The following GPC5 variants were observed in gnomAD, a reference collection of about 807,000 sequenced individuals.
The protein encoded by GPC5 is glypican-5.
In GPC5, 47 loss-of-function variants were observed where a neutral mutation model predicts 53.9. The observed-to-expected ratio is 0.87, with a 90% CI of 0.69 to 1.11. The LOEUF (loss-of-function observed/expected upper bound fraction) is 1.11. Among genes scored for constraint, GPC5 ranks in the 50% most tolerant of loss-of-function variants. GPC5 has a pLI of 0.00. For synonymous variants in GPC5, 286 were observed against 263.3 expected (o/e 1.09, Z -0.84); for missense variants, 748 against 713.1 (o/e 1.05, Z -0.56).
At chr13:91,660,510 A>C (rs941638780) in intron 2 of GPC5, among the ~76,000 whole-genome samples, 2 of 152,176 alleles carry the variant, frequency 1.3e-5, no homozygotes, top group Admixed American at 1.3e-4. Context: ...CTTGTAGAAG[A>C]TCCTCAGCTG....
chr13:91,701,772 T>C (rs1311782153), intron 3 of GPC5, among the ~76,000 whole-genome samples: 3 of 152,108 alleles, frequency 2.0e-5, no homozygotes, highest in African/African-American at 7.2e-5. Flanking sequence ...TTCAGACATC[T>C]CTTCCACATA....
intron 5 of GPC5, among the ~76,000 whole-genome samples, chr13:91,845,499 T>G (rs1371288968): frequency 6.6e-6 from 1 of 152,202 alleles, no homozygotes; most frequent in Admixed American, 6.5e-5. Flanking sequence ...ACACTTAAGA[T>G]CTGCTCTCTT....
At chr13:91,882,331 C>T (rs1223569146) in intron 5 of GPC5, among the ~76,000 whole-genome samples, 2 of 151,922 alleles carry the variant, frequency 1.3e-5, no homozygotes, top group Non-Finnish European at 2.9e-5. Context: ...TATTGAAAAT[C>T]TTATACATTA....
Position 92,301,322 on chromosome 13 carries a change from G to A in GPC5, c.1561+156333G>A, listed in dbSNP as rs377431094. ...GGAGACTCTATTATTGGAAATTGGA[G>A]AAAGAACTGTGCCAAGACATGAAAG... On this transcript the variant is annotated intron_variant, in intron 7 of 7. Transcript: ENST00000377067. Among the ~76,000 whole-genome samples the A allele has an allele frequency of 2.3e-4, 35 of 152,278 alleles. 1 individual carries two copies. The East Asian group carries it at 3.9e-3, about 17-fold the overall frequency.
intron 2 of GPC5, among the ~76,000 whole-genome samples, chr13:91,560,917 T>C (rs558941269): frequency 7.5e-4 from 114 of 152,238 alleles, no homozygotes; most frequent in Non-Finnish European, 1.5e-3. Context: ...AAGCCTAGCT[T>C]GTGCCTCCTT....
chr13:92,001,503 A>G (rs2040554591), intron 6 of GPC5, among the ~76,000 whole-genome samples: 1 of 152,214 alleles, frequency 6.6e-6, no homozygotes, highest in Admixed American at 6.5e-5. Context: ...ACTTTTGGAC[A>G]GAGATACCAC....
chr13:91,950,502 G>C (rs1410785378), intron 6 of GPC5, among the ~76,000 whole-genome samples: 2 of 152,022 alleles, frequency 1.3e-5, no homozygotes, highest in African/African-American at 4.8e-5. Context: ...CTCAGAATGA[G>C]AGATCTGTCT....
intron 7 of GPC5, among the ~76,000 whole-genome samples, chr13:92,837,973 T>G (rs1410384848): frequency 6.6e-6 from 1 of 151,472 alleles, no homozygotes; most frequent in East Asian, 2.0e-4. Context: ...CGCATGCCTG[T>G]AATCCCAACT....
At chr13:92,510,163 T>A (rs1052650314) in intron 7 of GPC5, 6 of 152,150 alleles carry the variant, frequency 3.9e-5, no homozygotes, top group African/African-American at 1.4e-4. Context: ...ACTTTAAAAA[T>A]TGTTTCTAGA....
At chr13:91,663,868 G>A (rs1040813396) in intron 2 of GPC5, among the ~76,000 whole-genome samples, 1 of 152,052 alleles carries the variant, frequency 6.6e-6, no homozygotes, top group Non-Finnish European at 1.5e-5. Flanking sequence ...TAACAGATGG[G>A]GTCTTGCAAT....
At chr13:92,708,828 C>G (rs534549854) in intron 7 of GPC5, among the ~76,000 whole-genome samples, 37 of 140,708 alleles carry the variant, frequency 2.6e-4, no homozygotes, top group African/African-American at 9.6e-4. Context: ...TTTACATGTG[C>G]CTACTAGCAG....
At chr13:92,247,179 A>T (rs754567593) in intron 7 of GPC5, among the ~76,000 whole-genome samples, 3 of 152,258 alleles carry the variant, frequency 2.0e-5, no homozygotes, top group Non-Finnish European at 4.4e-5. Flanking sequence ...GAAAATAAAG[A>T]TGACTGCAGA....
chr13:91,777,646 A>C (rs2037732300), intron 5 of GPC5, among the ~76,000 whole-genome samples: 1 of 152,208 alleles, frequency 6.6e-6, no homozygotes. Flanking sequence ...TTGTATTTTA[A>C]ATTAAAAAAT....
chr13:91,936,742 T>TAGAC (rs1431727939), intron 6 of GPC5, among the ~76,000 whole-genome samples: 1 of 151,482 alleles, frequency 6.6e-6, no homozygotes, highest in Non-Finnish European at 1.5e-5. Context: ...TCTAAGAAAA[T>TAGAC]AGATAGAAAG....
At position 91,436,398 on chromosome 13, in the gene GPC5, G is replaced by A. The variant is rs868104828; in HGVS notation, c.164-12363G>A. On this transcript the variant is annotated intron_variant, in intron 1 of 7. Coordinates refer to ENST00000377067, the MANE Select transcript of GPC5 (RefSeq NM_004466.6). ...TCTGGTATGTTGTGTCTTTGTTCTC[G>A]TTGGTTTCAAAGAACATCTTTATTT... is the stretch of plus-strand genomic sequence containing the variant. Among the ~76,000 whole-genome samples, 1,115 of 151,394 alleles carry A rather than the reference G, an allele frequency of 7.4e-3. 20 individuals are homozygous for A. In the South Asian group the frequency reaches 0.077, roughly 10 times the overall value.
At chr13:92,845,416 C>T (rs528528886) in intron 7 of GPC5, among the ~76,000 whole-genome samples, 2 of 152,058 alleles carry the variant, frequency 1.3e-5, no homozygotes, top group Admixed American at 6.5e-5. Context: ...AATATAGTTC[C>T]GATTCAAAGG....
intron 7 of GPC5, chr13:92,241,569 T>C (rs1361508767): frequency 2.0e-5 from 3 of 152,164 alleles, no homozygotes; most frequent in Non-Finnish European, 2.9e-5. Context: ...ATCATTACCT[T>C]AGATGGTTTT....
At chr13:92,268,362 T>A (rs1324550007) in intron 7 of GPC5, among the ~76,000 whole-genome samples, 6 of 132,326 alleles carry the variant, frequency 4.5e-5, no homozygotes, top group Admixed American at 4.4e-4. Flanking sequence ...CTATACTTTT[T>A]TTTTCTCATG....
intron 7 of GPC5, among the ~76,000 whole-genome samples, chr13:92,251,827 G>T (rs1448811640): frequency 3.9e-5 from 6 of 152,044 alleles, no homozygotes; most frequent in African/African-American, 1.4e-4. Flanking sequence ...GCCCCAAATG[G>T]CTGTATTTAT....
Sources: allele counts gnomAD v4.1 joint callset (sites outside exome capture counted in the v4.1 genomes callset), GRCh38; gene constraint gnomAD v4.1.1; transcripts MANE v1.5; gene names NCBI Gene and HGNC (gene_info 2026-07-23, HGNC 2026-07-21).